The following ANKRD30B variants were observed in gnomAD, a reference collection of about 807,000 sequenced individuals.
ANKRD30B encodes the protein ankyrin repeat domain-containing protein 30B.
ANKRD30B carries 144 observed loss-of-function variants against 202.2 expected under a neutral mutation model. The ratio of observed to expected loss-of-function variants is 0.71; its 90% CI spans 0.62 to 0.82. ANKRD30B has a LOEUF of 0.82. Among genes scored for constraint, ANKRD30B ranks in the 40% least tolerant of loss-of-function variants. The probability of loss-of-function intolerance (pLI) is 0.00; values close to 1 mark genes in which losing one functional copy is unlikely to be tolerated. For synonymous variants in ANKRD30B, 508 were observed against 561.3 expected (o/e 0.91, Z 1.34); for missense variants, 1,487 against 1,669.1 (o/e 0.89, Z 1.90).
chr18:14,833,091 C>T (rs1002858942), intron 34 of ANKRD30B, among the ~76,000 whole-genome samples: 3 of 152,158 alleles, frequency 2.0e-5, no homozygotes, highest in African/African-American at 7.2e-5. Flanking sequence ...TTCATGCCAC[C>T]ATGCCCAGCT....
intron 16 of ANKRD30B, among the ~76,000 whole-genome samples, chr18:14,792,729 A>AAT (rs34809108): frequency 4.7e-5 from 7 of 147,760 alleles, no homozygotes; most frequent in African/African-American, 1.8e-4. Flanking sequence ...TGAGGCATCA[A>AAT]ATATATATAT....
intron 32 of ANKRD30B, among the ~76,000 whole-genome samples, chr18:14,827,654 T>C (rs979601097): frequency 1.3e-5 from 2 of 152,178 alleles, no homozygotes; most frequent in African/African-American, 4.8e-5. Flanking sequence ...TTTCTACACA[T>C]ACAGCAGATA....
chr18:14,935,977 C>T, the ANKRD30B span, among the ~76,000 whole-genome samples: 1,131 of 152,324 alleles, frequency 7.4e-3, 13 homozygotes, highest in African/African-American at 0.026. Context: ...AAATTCTTTG[C>T]TTTGAAAGGT....
intron 9 of ANKRD30B, among the ~76,000 whole-genome samples, chr18:14,774,128 T>A (rs1967200146): frequency 6.6e-6 from 1 of 152,116 alleles, no homozygotes; most frequent in Non-Finnish European, 1.5e-5. Context: ...GTTTAACTAA[T>A]TGAATGTCTT....
the ANKRD30B span, among the ~76,000 whole-genome samples, chr18:14,928,221 G>A: frequency 6.6e-6 from 1 of 152,162 alleles, no homozygotes; most frequent in Non-Finnish European, 1.5e-5. Context: ...GCCTGCCTCG[G>A]CGTCCCAAAG....
chr18:14,844,254 G>C (rs531791732), intron 39 of ANKRD30B, among the ~76,000 whole-genome samples: 10 of 152,266 alleles, frequency 6.6e-5, no homozygotes, highest in African/African-American at 2.2e-4. Flanking sequence ...CTTCATTTAA[G>C]TTGGTTTTTA....
intron 34 of ANKRD30B, among the ~76,000 whole-genome samples, chr18:14,833,831 T>A (rs2143114905): frequency 6.6e-6 from 1 of 152,278 alleles, no homozygotes; most frequent in African/African-American, 2.4e-5. Flanking sequence ...GCATCATGGC[T>A]CTTGTTTGTT....
At chr18:14,876,082 G>A in the ANKRD30B span, among the ~76,000 whole-genome samples, 2 of 151,980 alleles carry the variant, frequency 1.3e-5, no homozygotes, top group Non-Finnish European at 2.9e-5. Flanking sequence ...CTAAGCCTGG[G>A]TCGTGAGAAT....
chr18:14,761,555 A>G (rs1223965105), intron 6 of ANKRD30B, among the ~76,000 whole-genome samples: 2 of 152,216 alleles, frequency 1.3e-5, no homozygotes, highest in Non-Finnish European at 2.9e-5. Flanking sequence ...TACTCAAGGT[A>G]AGGATTAGAC....
chr18:14,892,742 C>CAAAAAA, the ANKRD30B span, among the ~76,000 whole-genome samples: 41 of 72,846 alleles, frequency 5.6e-4, no homozygotes, highest in Non-Finnish European at 8.0e-4. Context: ...TCTGTTTCAC[C>CAAAAAA]AAAAAAAAAA....
At chr18:14,805,288 G>C (rs9748313) in intron 24 of ANKRD30B, among the ~76,000 whole-genome samples, 1 of 150,698 alleles carries the variant, frequency 6.6e-6, no homozygotes, top group African/African-American at 2.5e-5. Context: ...TTATTCATAG[G>C]TATTTTACTG....
chr18:14,856,051 G>A (rs1178586922), downstream of ANKRD30B, among the ~76,000 whole-genome samples: 151 of 120,040 alleles, frequency 1.3e-3, 1 homozygote, highest in African/African-American at 4.4e-3. Context: ...TGGGGTGGCC[G>A]GGCAGAGGCG....
the ANKRD30B span, among the ~76,000 whole-genome samples, chr18:14,884,361 C>A: frequency 6.6e-6 from 1 of 152,092 alleles, no homozygotes; most frequent in East Asian, 1.9e-4. Flanking sequence ...ACCTTGATTG[C>A]ACCTCATGAG....
the ANKRD30B span, among the ~76,000 whole-genome samples, chr18:14,875,365 A>G: frequency 7.9e-5 from 12 of 152,314 alleles, no homozygotes; most frequent in African/African-American, 2.9e-4. Context: ...CTGGAAGAGG[A>G]GATGCCCCTG....
intron 30 of ANKRD30B, chr18:14,816,332 T>A (rs1301988694): frequency 6.6e-6 from 1 of 152,126 alleles, no homozygotes; most frequent in Non-Finnish European, 1.5e-5. Context: ...TGTTCAGCGA[T>A]TAGCTCGTTT....
rs754900800 is a variant in ANKRD30B at position 14,757,934 on chromosome 18, C to A, written c.737C>A (p.Ala246Asp). Residue 246 changes from alanine (A) to aspartate (D), a missense_variant, in exon 5 of 44, where the codon GCT becomes GAT. By Grantham distance (126) the Ala-to-Asp change is moderately radical. Transcript: ENST00000690538. ...IHGITAERYA[A>D]ACGVNYIHQQ... ...GGAATAACTGCAGAACGTTATGCTG[C>A]TGCTTGTGGAGTTAATTAGTAAGTG... is the stretch of plus-strand genomic sequence containing the variant. 3 of 1,600,138 alleles carry A rather than the reference C, an allele frequency of 1.9e-6. No homozygotes were observed. In the South Asian group the frequency reaches 3.4e-5, roughly 18 times the overall value.
chr18:14,810,264 G>C (rs1448626546), intron 28 of ANKRD30B, 84 bp downstream of exon 28: 2 of 898,650 alleles, frequency 2.2e-6, no homozygotes, highest in Admixed American at 3.2e-5. Context: ...TCCCAAAGTT[G>C]TTTTCTTTTG....
At chr18:14,815,986 A>G (rs776381743) in intron 30 of ANKRD30B, among the ~76,000 whole-genome samples, 1 of 152,324 alleles carries the variant, frequency 6.6e-6, no homozygotes, top group East Asian at 1.9e-4. Context: ...TCAATTCATA[A>G]CACTTTCACT....
At chr18:14,845,944 T>A (rs1044500946) in intron 39 of ANKRD30B, among the ~76,000 whole-genome samples, 1 of 152,150 alleles carries the variant, frequency 6.6e-6, no homozygotes, top group Non-Finnish European at 1.5e-5. Context: ...ATCCAAAAAC[T>A]CCTACCTCCT....
Sources: gnomAD v4.1 joint callset for allele counts (sites outside exome capture counted in the v4.1 genomes callset) on GRCh38, gnomAD v4.1.1 for gene constraint, MANE v1.5 for transcripts, NCBI Gene and HGNC (gene_info 2026-07-23, HGNC 2026-07-21) for gene names.